The following PEX13 variants were observed in gnomAD, a reference collection of about 807,000 sequenced individuals.
PEX13 encodes the protein peroxisome biogenesis factor 13.
A neutral mutation model predicts 34.5 loss-of-function variants in PEX13; 28 were observed. The observed-to-expected ratio is 0.81, with a 90% CI of 0.60 to 1.11. The LOEUF is 1.11. Ranked by LOEUF, PEX13 falls within the 50% of genes most tolerant of loss-of-function variation. The probability of loss-of-function intolerance (pLI) is 0.00; values close to 1 mark genes in which losing one functional copy is unlikely to be tolerated. For synonymous variants in PEX13, 177 were observed against 175.1 expected, an observed-to-expected ratio of 1.01 and a Z score of -0.09; for missense variants, 550 against 491.0, an observed-to-expected ratio of 1.12 and a Z score of -1.13.
At chr2:61,048,212 A>G (rs1393090293) in intron 3 of PEX13, among the ~76,000 whole-genome samples, 1 of 152,214 alleles carries the variant, frequency 6.6e-6, no homozygotes, top group Non-Finnish European at 1.5e-5. Context: ...TCCCTACTCT[A>G]TGAATGGACC....
rs959052638 is a variant in PEX13 at position 61,051,671 on chromosome 2, T to A, written c.*2901T>A. ...TTAAGGAGTGCTACTTTACAGAAAT[T>A]ACTAACACACCAAAACATTATTAAT... On this transcript the variant is annotated 3_prime_UTR_variant, in exon 4 of 4. Coordinates refer to ENST00000295030, the MANE Select transcript of PEX13 (RefSeq NM_002618.4). 1 of 152,206 alleles carries A rather than the reference T, an allele frequency of 6.6e-6. No individual in the cohort carries two copies. Among genetic ancestry groups the A allele is most frequent in the Non-Finnish European group, 1.5e-5 (1 of 68,026 alleles). 9.4% of individuals were successfully genotyped at this position (152,206 alleles called of 1,614,324 possible). A position where few individuals can be genotyped will look rare whatever the true frequency, so the allele number is the denominator to read the frequency against.
chr2:61,038,407 A>G (rs1309001359), intron 2 of PEX13, among the ~76,000 whole-genome samples: 1 of 152,224 alleles, frequency 6.6e-6, no homozygotes, highest in South Asian at 2.1e-4. Context: ...CTTATCCACC[A>G]TGATCAAGTT....
chr2:61,037,410 A>G (rs1035445939), intron 2 of PEX13, among the ~76,000 whole-genome samples: 1 of 152,206 alleles, frequency 6.6e-6, no homozygotes, highest in African/African-American at 2.4e-5. Context: ...CAGAAATCAC[A>G]ACAAACTGTC....
In PEX13 at chr2:61,050,726, T is replaced by C. The variant is rs920081922; in HGVS notation, c.*1956T>C. 3 of 152,154 alleles carry C rather than the reference T, an allele frequency of 2.0e-5. No individual in the cohort carries two copies. Among genetic ancestry groups the C allele is most frequent in the African/African-American group, 7.2e-5 (3 of 41,438 alleles). The allele number at this position is 152,154 out of a possible 1,614,324, so 9.4% of individuals were successfully genotyped here. A position where few individuals can be genotyped will look rare whatever the true frequency, so the allele number is the denominator to read the frequency against. On this transcript the variant is annotated 3_prime_UTR_variant, in exon 4 of 4. Transcript: ENST00000295030. ...GCTCCGCCTCCCGGGTTCACGCCAT[T>C]CTCCTGCCTCAGCCTCCCGAGTAGC...
In PEX13 at chr2:61,048,897, T is replaced by C; in HGVS notation, c.*127T>C. ...TTGGCTATTTCAGGTGTTTTGCTGC[T>C]AGAAATTATTAAAGTTACACACTAG... On this transcript the variant is annotated 3_prime_UTR_variant, in exon 4 of 4. Transcript: ENST00000295030. 1 of 806,098 alleles carries C rather than the reference T, an allele frequency of 1.2e-6. No homozygotes were observed. The allele number at this position is 806,098 out of a possible 1,614,324, so 49.9% of individuals were successfully genotyped here.
chr2:61,037,510 G>A (rs1236949500), intron 2 of PEX13, among the ~76,000 whole-genome samples: 1 of 152,206 alleles, frequency 6.6e-6, no homozygotes, highest in Non-Finnish European at 1.5e-5. Flanking sequence ...ACCTGTTACT[G>A]AATGACTACT....
Position 61,036,338 on chromosome 2 carries a change from C to T in PEX13, c.787+4225C>T, listed in dbSNP as rs188492730. Among the ~76,000 whole-genome samples the T allele has an allele frequency of 2.8e-4, 42 of 152,196 alleles. 1 individual carries two copies. The East Asian group carries it at 7.9e-3, about 29-fold the overall frequency. ...CTAAGACACATAATTGTCAGATTCA[C>T]CAAGGTTGAAATGAAGGAAAAAATG... is the stretch of plus-strand genomic sequence containing the variant. On this transcript the variant is annotated intron_variant, in intron 2 of 3. Coordinates refer to ENST00000295030, the MANE Select transcript of PEX13 (RefSeq NM_002618.4).
In PEX13 at chr2:61,023,402, GAC is replaced by G. The variant is rs70959888; in HGVS notation, c.92+5577_92+5578del. 1.8e-3 allele frequency among the ~76,000 whole-genome samples: 269 copies of G among 146,712 alleles called. 1 individual carries two copies. The highest frequency in any genetic ancestry group is 5.7e-3 in the African/African-American group (229 of 39,908). On this transcript the variant is annotated intron_variant, in intron 1 of 3. Transcript: ENST00000295030. ...TATTGTAACCAGGTAGGAATATACA[GAC>G]ACACACACACACACACACACACACA... is the stretch of plus-strand genomic sequence containing the variant.
chr2:61,026,344 C>CTTTTTTTTTTTTT (rs71402320), intron 1 of PEX13, among the ~76,000 whole-genome samples: 5 of 121,218 alleles, frequency 4.1e-5, no homozygotes, highest in African/African-American at 6.3e-5. Flanking sequence ...TTTCTTTTTT[C>CTTTTTTTTTTTTT]TTTTTTTTTT....
chr2:61,032,228 T>G (rs969851581), intron 2 of PEX13, 115 bp downstream of exon 2: 1 of 800,252 alleles, frequency 1.2e-6, no homozygotes, highest in Non-Finnish European at 2.0e-6. Flanking sequence ...AGTTATATTT[T>G]CAGTTAAGAG....
At chr2:61,039,155 A>T (rs1049026489) in intron 2 of PEX13, among the ~76,000 whole-genome samples, 2 of 152,214 alleles carry the variant, frequency 1.3e-5, no homozygotes, top group Non-Finnish European at 2.9e-5. Context: ...ATATCATGAA[A>T]ATGGCAGTAC....
chr2:61,017,774 G>T lies in PEX13; in HGVS notation c.15G>T (p.Pro5=). 1.3e-6 allele frequency: 2 copies of T among 1,549,786 alleles called. No individual in the cohort carries two copies. The highest frequency in any genetic ancestry group is 1.2e-5 in the South Asian group (1 of 83,916). The change falls in exon 1 of 4, where the codon CCG becomes CCT. Residue 5 remains proline (P), a synonymous_variant. Transcript: ENST00000295030. ...AGGCGGAGGAGATGGCGTCCCAGCC[G>T]CCACCTCCCCCCAAACCCTGGGAGA... The part of the protein sequence containing the change: MASQ[P]PPPPKPWETR...
rs541926679 is a variant in PEX13 at position 61,032,100 on chromosome 2, T to A, written c.774T>A (p.Ser258Arg). The A allele has an allele frequency of 3.1e-6, 5 of 1,610,872 alleles. No homozygotes were observed. Among genetic ancestry groups the A allele is most frequent in the African/African-American group, 1.3e-5 (1 of 74,972 alleles). The change falls in exon 2 of 4, where the codon AGT (serine) becomes AGA (arginine). Residue 258 changes from serine to arginine, a missense_variant. Ser to Arg is a moderately radical substitution (Grantham distance 110). Coordinates refer to ENST00000295030, the MANE Select transcript of PEX13 (RefSeq NM_002618.4). ...YLIWKLLSTH[S>R]DEVTDSINWA... ...TTTGGAAACTATTGTCTACTCACAG[T>A]GATGAAGTAACAGGTAAGAGAACTG...
Position 61,051,483 on chromosome 2 carries a change from CTATT to C in PEX13, c.*2715_*2718del, listed in dbSNP as rs1402347560. On this transcript the variant is annotated 3_prime_UTR_variant, in exon 4 of 4. Transcript: ENST00000295030. The stretch of plus-strand genomic sequence containing the variant: ...AATTACGGTATGCATTATCTGGTGA[CTATT>C]TGTGCCTGAAAATTCGTTTTGTATT... The C allele has an allele frequency of 6.6e-6, 1 of 152,288 alleles. No individual in the cohort carries two copies. The highest frequency in any genetic ancestry group is 2.4e-5 in the African/African-American group (1 of 41,450). 9.4% of individuals were successfully genotyped at this position (152,288 alleles called of 1,614,324 possible).
At chr2:61,043,347 A>G (rs1192953787) in intron 2 of PEX13, among the ~76,000 whole-genome samples, 1 of 151,938 alleles carries the variant, frequency 6.6e-6, no homozygotes, top group Admixed American at 6.6e-5. Flanking sequence ...AAAAAAAAAA[A>G]AAAAACAAAT....
intron 2 of PEX13, among the ~76,000 whole-genome samples, chr2:61,038,304 C>G (rs898144084): frequency 6.6e-6 from 1 of 151,948 alleles, no homozygotes; most frequent in African/African-American, 2.4e-5. Context: ...AACACACACA[C>G]AAAAGAATTG....
chr2:61,047,400 C>G (rs541121964), intron 3 of PEX13, among the ~76,000 whole-genome samples: 1 of 152,138 alleles, frequency 6.6e-6, no homozygotes, highest in Non-Finnish European at 1.5e-5. Flanking sequence ...GTGATCCGCC[C>G]GACTTGGCCT....
intron 1 of PEX13, among the ~76,000 whole-genome samples, chr2:61,022,371 T>A (rs1680279255): frequency 1.3e-5 from 2 of 152,156 alleles, no homozygotes. Context: ...GCACAAGAAC[T>A]TCGTGATGCA....
intron 1 of PEX13, among the ~76,000 whole-genome samples, chr2:61,021,715 C>T (rs552785684): frequency 6.6e-6 from 1 of 152,346 alleles, no homozygotes; most frequent in South Asian, 2.1e-4. Flanking sequence ...AGACGGCCTC[C>T]TCAAGTGGGT....
Sources: gnomAD v4.1 joint callset for allele counts (sites outside exome capture counted in the v4.1 genomes callset) on GRCh38, gnomAD v4.1.1 for gene constraint, MANE v1.5 for transcripts, NCBI Gene and HGNC (gene_info 2026-07-23, HGNC 2026-07-21) for gene names.